The following TSPAN7 variants were observed in gnomAD, a reference collection of about 807,000 sequenced individuals.
TSPAN7 encodes the protein tetraspanin-7.
Under a neutral mutation model 17.6 loss-of-function variants are expected in TSPAN7, and 1 was observed. The observed-to-expected ratio is 0.06, with a 90% CI of 0.02 to 0.27. The LOEUF is 0.27. TSPAN7 is among the 10% of genes least tolerant of loss of function. The pLI, the probability that TSPAN7 is intolerant of heterozygous loss-of-function variation, is 1.00. For missense variants in TSPAN7, 112 were observed against 201.7 expected (o/e 0.56, Z 2.69); for synonymous variants, 78 against 79.0 (o/e 0.99, Z 0.07).
At chrX:38,652,063 C>T (rs977933439) in intron 1 of TSPAN7, among the ~76,000 whole-genome samples, 2 of 111,806 alleles carry the variant, frequency 1.8e-5, no homozygotes, top group Non-Finnish European at 3.8e-5. Context: ...AGCTCATTTT[C>T]ATTGCAGCCC....
chrX:38,605,784 A>G lies in TSPAN7; in HGVS notation c.81+44157A>G, dbSNP rs1443280071. ...TATCTACAACTATCTGATCTTTGACAAACCTGACAAAAACAAGCAATGTGG... is the reference window on the plus strand; with the variant it reads ...TATCTACAACTATCTGATCTTTGACGAACCTGACAAAAACAAGCAATGTGG... On this transcript the variant is annotated intron_variant, in intron 1 of 7. Coordinates refer to ENST00000378482, the MANE Select transcript of TSPAN7 (RefSeq NM_004615.4). 4.3e-3 allele frequency among the ~76,000 whole-genome samples: 479 copies of G among 111,052 alleles called. 3 individuals are homozygous for G. Among genetic ancestry groups the G allele is most frequent in the African/African-American group, 0.015 (453 of 30,460 alleles).
intron 5 of TSPAN7, among the ~76,000 whole-genome samples, chrX:38,676,156 G>A (rs182613068): frequency 1.5e-3 from 168 of 111,447 alleles, no homozygotes; most frequent in African/African-American, 4.5e-3. Context: ...GACAGCGAGT[G>A]TTGGCTTTCT....
At chrX:38,596,090 T>A (rs1023527974) in intron 1 of TSPAN7, among the ~76,000 whole-genome samples, 31 of 111,607 alleles carry the variant, frequency 2.8e-4, no homozygotes, top group Middle Eastern at 4.6e-3. Flanking sequence ...TAGTCTTTGA[T>A]GTATTCTGTG....
intron 1 of TSPAN7, among the ~76,000 whole-genome samples, chrX:38,573,124 C>G (rs1263276432): frequency 4.5e-5 from 5 of 111,417 alleles, no homozygotes; most frequent in African/African-American, 1.6e-4. Context: ...AACATTATTC[C>G]TTAGGGTGTA....
intron 1 of TSPAN7, among the ~76,000 whole-genome samples, chrX:38,650,024 G>T (rs945086496): frequency 8.9e-6 from 1 of 112,210 alleles, no homozygotes; most frequent in African/African-American, 3.2e-5. Context: ...GTCTCTGTTG[G>T]ATGTTTGAAT....
At chrX:38,583,800 C>A (rs751787627) in intron 1 of TSPAN7, among the ~76,000 whole-genome samples, 2 of 111,148 alleles carry the variant, frequency 1.8e-5, no homozygotes, top group South Asian at 7.7e-4. Flanking sequence ...TTATTGATAT[C>A]TGCTGAAGCA....
At chrX:38,679,995 G>A (rs190172856) in intron 5 of TSPAN7, among the ~76,000 whole-genome samples, 8 of 111,463 alleles carry the variant, frequency 7.2e-5, no homozygotes, top group Non-Finnish European at 1.5e-4. Flanking sequence ...GTGGGAGGAG[G>A]AAGAAGATCA....
intron 1 of TSPAN7, among the ~76,000 whole-genome samples, chrX:38,601,138 C>A (rs1429560175): frequency 9.0e-6 from 1 of 111,500 alleles, no homozygotes; most frequent in Admixed American, 9.6e-5. Flanking sequence ...GTATAGAAGA[C>A]CATGATATTC....
chrX:38,626,055 G>T (rs2069521024), intron 1 of TSPAN7, among the ~76,000 whole-genome samples: 1 of 112,451 alleles, frequency 8.9e-6, no homozygotes, highest in Non-Finnish European at 1.9e-5. Flanking sequence ...TTTCTTCAGT[G>T]CTTGGCATTG....
At position 38,674,316 on chromosome X, in the gene TSPAN7, C is replaced by T. The variant is rs111440990; in HGVS notation, c.441C>T (p.Ser147=). 7.3e-3 allele frequency: 8,647 copies of T among 1,180,950 alleles called. 294 individuals are homozygous for T. The African/African-American group carries it at 0.12, about 16-fold the overall frequency. ...GGGCAGTGGACCATGTGCAGCGCAGCGTAAGTTCCAGAGGAGATGAGGGTG... is the reference window on the plus strand; with the variant it reads ...GGGCAGTGGACCATGTGCAGCGCAGTGTAAGTTCCAGAGGAGATGAGGGTG... ...RSRAVDHVQR[S]LSCCGVQNYT... The change falls in exon 4 of 8, where the codon AGC becomes AGT. Residue 147 remains serine (S), a splice_region_variant and synonymous_variant. Transcript: ENST00000378482.
intron 3 of TSPAN7, among the ~76,000 whole-genome samples, chrX:38,671,989 A>T (rs761223585): frequency 2.7e-5 from 3 of 111,629 alleles, no homozygotes; most frequent in Admixed American, 9.5e-5. Context: ...TCGAGGCTGC[A>T]GTGAGCTAAT....
intron 5 of TSPAN7, 147 bp downstream of exon 5, chrX:38,676,007 G>A (rs968461936): frequency 1.4e-6 from 1 of 692,738 alleles, no homozygotes; most frequent in Non-Finnish European, 2.2e-6. Context: ...GCCTGGGAGA[G>A]GCACTTGAGG....
intron 1 of TSPAN7, among the ~76,000 whole-genome samples, chrX:38,582,301 C>T (rs1346780830): frequency 1.8e-5 from 2 of 112,141 alleles, no homozygotes; most frequent in East Asian, 5.6e-4. Flanking sequence ...ACATCAATGA[C>T]AATAATTTAT....
chrX:38,643,374 C>A (rs1318826942), intron 1 of TSPAN7, among the ~76,000 whole-genome samples: 1 of 110,279 alleles, frequency 9.1e-6, no homozygotes, highest in African/African-American at 3.3e-5. Flanking sequence ...TAAGACTCAG[C>A]AGAAAGTACT....
At chrX:38,685,544 TG>T (rs1312886535) in intron 6 of TSPAN7, among the ~76,000 whole-genome samples, 1 of 111,634 alleles carries the variant, frequency 9.0e-6, no homozygotes, top group East Asian at 2.8e-4. Context: ...CACTTCAACC[TG>T]GAAGGTGGAG....
chrX:38,632,580 C>T (rs748280666), intron 1 of TSPAN7, among the ~76,000 whole-genome samples: 3 of 112,368 alleles, frequency 2.7e-5, no homozygotes, highest in Non-Finnish European at 5.6e-5. Flanking sequence ...CTTATGACAT[C>T]GAATTAATCT....
chrX:38,649,654 C>T (rs1349235533), intron 1 of TSPAN7, among the ~76,000 whole-genome samples: 3 of 111,479 alleles, frequency 2.7e-5, no homozygotes, highest in African/African-American at 6.5e-5. Context: ...CCCCAGGGTC[C>T]GTTCAGGGCA....
chrX:38,655,042 C>G (rs1307794616), intron 1 of TSPAN7, among the ~76,000 whole-genome samples: 3 of 111,892 alleles, frequency 2.7e-5, no homozygotes, highest in Non-Finnish European at 5.6e-5. Flanking sequence ...GCAGAGTGAA[C>G]CAGTGGGGGC....
At chrX:38,622,991 G>A (rs1462465211) in intron 1 of TSPAN7, 1 of 331,300 alleles carries the variant, frequency 3.0e-6, no homozygotes, top group Non-Finnish European at 5.9e-6. Context: ...GAAGATTTGA[G>A]GTCAGAAGAC....
Sources: gnomAD v4.1 joint callset for allele counts (sites outside exome capture counted in the v4.1 genomes callset) on GRCh38, gnomAD v4.1.1 for gene constraint, MANE v1.5 for transcripts, NCBI Gene and HGNC (gene_info 2026-07-23, HGNC 2026-07-21) for gene names.